SLC35B1: variants seen among roughly 807,000 people sequenced by gnomAD.
SLC35B1 encodes ATP/ADP exchanger ER.
In SLC35B1, 27 loss-of-function variants were observed where a neutral mutation model predicts 36.6. That is an observed-to-expected ratio of 0.74 (90% CI 0.54 to 1.02). The LOEUF (loss-of-function observed/expected upper bound fraction) is 1.02, where lower values mean the gene tolerates loss of function less well. SLC35B1 is among the 50% of genes least tolerant of loss of function. The probability of loss-of-function intolerance (pLI) is 0.00; values close to 1 mark genes in which losing one functional copy is unlikely to be tolerated. For missense variants in SLC35B1, 321 were observed against 383.2 expected (o/e 0.84, Z 1.35); for synonymous variants, 162 against 152.5 (o/e 1.06, Z -0.46).
intron 8 of SLC35B1, chr17:49,701,944 T>C: frequency 2.9e-6 from 1 of 340,576 alleles, no homozygotes; most frequent in Middle Eastern, 3.9e-4. Flanking sequence ...AAAAAAAAAA[T>C]TGGTCAGGTA....
intron 8 of SLC35B1, 155 bp downstream of exon 8, chr17:49,702,703 C>T (rs73335243): frequency 0.12 from 91,459 of 734,064 alleles, 6,366 homozygotes; most frequent in African/African-American, 0.23. Context: ...GATCGTACCA[C>T]TGCACTCACT....
chr17:49,707,099 G>A lies in SLC35B1; in HGVS notation c.105-31C>T, dbSNP rs1444593565. 1.9e-6 allele frequency: 3 copies of A among 1,551,980 alleles called. No homozygotes were observed. In the Admixed American group the frequency reaches 5.0e-5, roughly 26 times the overall value. ...AATGAAATGCATGAGAAAAGAGGGA[G>A]AAATTAGTGTATTTCACTCACTGTC... On this transcript the variant is annotated intron_variant, in intron 1 of 8. Transcript: ENST00000240333.
At chr17:49,701,574 G>A in intron 8 of SLC35B1, 64 bp from the exon 9 acceptor site, 1 of 1,395,686 alleles carries the variant, frequency 7.2e-7, no homozygotes, top group Non-Finnish European at 1.0e-6. Context: ...AATGATTGTG[G>A]TGGGGTGGGG....
intron 4 of SLC35B1, 113 bp from the exon 5 acceptor site, chr17:49,705,394 A>G (rs760334163): frequency 8.9e-7 from 1 of 1,120,692 alleles, no homozygotes. Context: ...ATGACTGAGA[A>G]GGAAGGCTTA....
rs752094602 is a variant in SLC35B1, at chr17:49,701,520, G to A, written c.917-10C>T. ...GCATCAAGACCAAGACCTATGAAAA[G>A]GAAGAAAATGGGCTTAGCCTTATGG... is the stretch of plus-strand genomic sequence containing the variant. On this transcript the variant is annotated splice_polypyrimidine_tract_variant and intron_variant, in intron 8 of 8. Coordinates refer to ENST00000240333, the MANE Select transcript of SLC35B1 (RefSeq NM_005827.4). 6.2e-7 allele frequency: 1 copy of A among 1,613,054 alleles called. No homozygotes were observed. Among genetic ancestry groups the A allele is most frequent in the East Asian group, 2.2e-5 (1 of 44,862 alleles).
Position 49,705,282 on chromosome 17 carries a change from C to T in SLC35B1, c.371-1G>A. The T allele has an allele frequency of 6.2e-7, 1 of 1,613,708 alleles. No individual in the cohort carries two copies. The highest frequency in any genetic ancestry group is 8.5e-7 in the Non-Finnish European group (1 of 1,179,848). On this transcript the variant is annotated splice_acceptor_variant, in intron 4 of 8. Coordinates refer to ENST00000240333, the MANE Select transcript of SLC35B1 (RefSeq NM_005827.4). LOFTEE classifies it high-confidence loss of function. ...AAGAGGGTCACCCCAAGGAGCATGA[C>T]TACAGGGAAAAAACAGAGTGGAAAA...
At chr17:49,704,643 C>T (rs116275186) in intron 5 of SLC35B1, among the ~76,000 whole-genome samples, 1 of 152,090 alleles carries the variant, frequency 6.6e-6, no homozygotes, top group African/African-American at 2.4e-5. Context: ...CATGGGCAAG[C>T]GAGTTAACTT....
At chr17:49,706,028 C>G in intron 3 of SLC35B1, 132 bp from the exon 4 acceptor site, 2 of 1,283,946 alleles carry the variant, frequency 1.6e-6, no homozygotes, top group Admixed American at 2.1e-5. Flanking sequence ...GCAGCCCTAT[C>G]ATGGCCCAAC....
In SLC35B1 at chr17:49,707,078, A is replaced by T. The variant is rs2073428252; in HGVS notation, c.105-10T>A. The stretch of plus-strand genomic sequence containing the variant: ...ATACTTTCCTCTTGTTCTAGAAATG[A>T]AATGCATGAGAAAAGAGGGAGAAAT... On this transcript the variant is annotated splice_polypyrimidine_tract_variant and intron_variant, in intron 1 of 8. Coordinates refer to ENST00000240333, the MANE Select transcript of SLC35B1 (RefSeq NM_005827.4). The T allele has an allele frequency of 1.3e-6, 2 of 1,598,768 alleles. No individual in the cohort carries two copies. The highest frequency in any genetic ancestry group is 1.7e-6 in the Non-Finnish European group (2 of 1,166,404).
chr17:49,706,053 CG>C lies in SLC35B1; in HGVS notation c.339+150del, dbSNP rs2073411675. On this transcript the variant is annotated intron_variant, in intron 3 of 8. Transcript: ENST00000240333. Reference sequence around the variant, plus strand: ...CATGGCCCAACCCACCACCACTAAACGTAAGTTCTATGGTTCTATACACTCC... The same window carrying C: ...CATGGCCCAACCCACCACCACTAAACTAAGTTCTATGGTTCTATACACTCC... 7 of 1,300,444 alleles carry C rather than the reference CG, an allele frequency of 5.4e-6. No homozygotes were observed. The Admixed American group carries it at 7.3e-5, about 14-fold the overall frequency. The allele number at this position is 1,300,444 out of a possible 1,614,324, so 80.6% of individuals were successfully genotyped here.
rs1251352932 is a variant in SLC35B1, at chr17:49,703,077, A to C, written c.763-66T>G. ...ATCTGCCATTGGTCTAAAGTCTATA[A>C]ACAGACCTCAGGGCTAATCTTGCCA... On this transcript the variant is annotated intron_variant, in intron 7 of 8. Coordinates refer to ENST00000240333, the MANE Select transcript of SLC35B1 (RefSeq NM_005827.4). 2.5e-6 allele frequency: 4 copies of C among 1,602,418 alleles called. No homozygotes were observed. In the African/African-American group the frequency reaches 5.4e-5, roughly 21 times the overall value.
At position 49,706,892 on chromosome 17, in the gene SLC35B1, A is replaced by C. The variant is rs1177779352; in HGVS notation, c.208+73T>G. 5.7e-6 allele frequency: 6 copies of C among 1,061,794 alleles called. No individual in the cohort carries two copies. The Admixed American group carries it at 1.0e-4, about 18-fold the overall frequency. The allele number at this position is 1,061,794 out of a possible 1,614,324, so 65.8% of individuals were successfully genotyped here. ...TGAGTTAGCCTTTAAGGTTGAATCA[A>C]TGCTTAATGCCCAGCATACTGAGGG... On this transcript the variant is annotated intron_variant, in intron 2 of 8. Transcript: ENST00000240333.
At position 49,702,132 on chromosome 17, in the gene SLC35B1, T is replaced by G. The variant is rs373360171; in HGVS notation, c.917-622A>C. On this transcript the variant is annotated intron_variant, in intron 8 of 8. Coordinates refer to ENST00000240333, the MANE Select transcript of SLC35B1 (RefSeq NM_005827.4). ...TAAAGCTTCCTTTTCTCCTTTTATT[T>G]TCTTTGGATACAGATTTTCACTCTG... is the stretch of plus-strand genomic sequence containing the variant. The G allele has an allele frequency of 5.4e-4, 91 of 169,576 alleles. 2 individuals carry two copies. The South Asian group carries it at 9.6e-3, about 18-fold the overall frequency. The allele number at this position is 169,576 out of a possible 1,614,324, so 10.5% of individuals were successfully genotyped here.
At chr17:49,707,505 A>G in intron 1 of SLC35B1, 2 of 1,480,522 alleles carry the variant, frequency 1.4e-6, no homozygotes, top group South Asian at 2.6e-5. Flanking sequence ...AAGCGGGGAA[A>G]AACAGCTAAG....
intron 7 of SLC35B1, 65 bp from the exon 8 acceptor site, chr17:49,703,076 A>C (rs1482419314): frequency 1.9e-6 from 3 of 1,602,772 alleles, no homozygotes; most frequent in East Asian, 4.5e-5. Flanking sequence ...TAAAGTCTAT[A>C]AACAGACCTC....
intron 5 of SLC35B1, 118 bp downstream of exon 5, chr17:49,705,006 G>A: frequency 3.2e-6 from 3 of 948,606 alleles, no homozygotes; most frequent in Non-Finnish European, 3.2e-6. Flanking sequence ...AGCAGATATG[G>A]GGACAAGGAG....
chr17:49,701,253 T>C lies in SLC35B1; in HGVS notation c.*205A>G. On this transcript the variant is annotated 3_prime_UTR_variant, in exon 9 of 9. Transcript: ENST00000240333. The stretch of plus-strand genomic sequence containing the variant: ...CCCTCTTTTATTTACCATAGACTGC[T>C]CCAGGGCATGAAGAACAAAAACCAC... 1 of 548,624 alleles carries C rather than the reference T, an allele frequency of 1.8e-6. No homozygotes were observed. Among genetic ancestry groups the C allele is most frequent in the Non-Finnish European group, 3.3e-6 (1 of 305,828 alleles). The allele number at this position is 548,624 out of a possible 1,614,324, so 34.0% of individuals were successfully genotyped here. A position where few individuals can be genotyped will look rare whatever the true frequency, so the allele number is the denominator to read the frequency against.
chr17:49,706,371 G>GAAAAAAA, intron 2 of SLC35B1, 37 bp from the exon 3 acceptor site: 6 of 440,706 alleles, frequency 1.4e-5, no homozygotes, highest in South Asian at 1.3e-4. Context: ...AAAAAGAAAA[G>GAAAAAAA]AAAAGAAAAA....
At chr17:49,702,010 T>C in intron 8 of SLC35B1, 1 of 277,356 alleles carries the variant, frequency 3.6e-6, no homozygotes, top group South Asian at 3.0e-5. Flanking sequence ...GGTGGATCAC[T>C]TGAGTCCAGG....
Sources: allele counts gnomAD v4.1 joint callset (sites outside exome capture counted in the v4.1 genomes callset), GRCh38; gene constraint gnomAD v4.1.1; transcripts MANE v1.5; gene names NCBI Gene and HGNC (gene_info 2026-07-23, HGNC 2026-07-21).